Variants in KLF7 observed in about 807,000 individuals in gnomAD.
The protein encoded by KLF7 is Krueppel-like factor 7.
Under a neutral mutation model 27.3 loss-of-function variants are expected in KLF7, and 2 were observed. That is an observed-to-expected ratio of 0.07 (90% CI 0.03 to 0.23). KLF7 has a LOEUF of 0.23. Among genes scored for constraint, KLF7 ranks in the 10% least tolerant of loss-of-function variants. The pLI is 1.00. For missense variants in KLF7, 221 were observed against 394.1 expected (o/e 0.56, Z 3.72); for synonymous variants, 165 against 162.4 (o/e 1.02, Z -0.12).
At chr2:207,115,341 A>C (rs2077150524) in intron 2 of KLF7, among the ~76,000 whole-genome samples, 2 of 152,184 alleles carry the variant, frequency 1.3e-5, no homozygotes, top group South Asian at 4.1e-4. Flanking sequence ...CCATAAACAT[A>C]CATGTTGAAG....
At chr2:207,167,076 G>A, upstream of KLF7, 1 of 1,344,514 alleles carries the variant, frequency 7.4e-7, no homozygotes, top group South Asian at 1.7e-5. Context: ...GGGAGCCTAG[G>A]TAGACGTGGG....
At chr2:207,161,494 G>T (rs558398011) in intron 1 of KLF7, among the ~76,000 whole-genome samples, 1 of 152,194 alleles carries the variant, frequency 6.6e-6, no homozygotes, top group Non-Finnish European at 1.5e-5. Context: ...GCAAACCTAC[G>T]GATGGACAGA....
chr2:207,158,010 A>AC (rs2106130141), intron 1 of KLF7, among the ~76,000 whole-genome samples: 1 of 143,612 alleles, frequency 7.0e-6, no homozygotes, highest in East Asian at 2.0e-4. Flanking sequence ...CTTGTTGCTT[A>AC]TTTCTGGTTA....
intron 1 of KLF7, among the ~76,000 whole-genome samples, chr2:207,129,262 C>T (rs148946254): frequency 1.9e-3 from 288 of 152,232 alleles, no homozygotes; most frequent in African/African-American, 6.4e-3. Context: ...TCGGAGTCAG[C>T]GAATGTCAGT....
chr2:207,164,064 G>A (rs1340753532), intron 1 of KLF7, among the ~76,000 whole-genome samples: 2 of 152,240 alleles, frequency 1.3e-5, no homozygotes, highest in African/African-American at 4.8e-5. Context: ...CCAATACCTG[G>A]AGGAAAACTC....
intron 2 of KLF7, among the ~76,000 whole-genome samples, chr2:207,107,531 T>C (rs1437701801): frequency 6.6e-6 from 1 of 152,204 alleles, no homozygotes; most frequent in Non-Finnish European, 1.5e-5. Flanking sequence ...TTATATAGCA[T>C]AGGCCCAGTG....
intron 1 of KLF7, among the ~76,000 whole-genome samples, chr2:207,140,225 C>T (rs951089537): frequency 4.6e-5 from 7 of 152,086 alleles, no homozygotes; most frequent in Non-Finnish European, 8.8e-5. Flanking sequence ...CTTATAAACA[C>T]AATTTATTGA....
chr2:207,091,844 C>G (rs377761984), intron 2 of KLF7, among the ~76,000 whole-genome samples: 2 of 152,192 alleles, frequency 1.3e-5, no homozygotes, highest in African/African-American at 4.8e-5. Context: ...TAAACACCAA[C>G]AGCCACAGCT....
chr2:207,144,950 T>C (rs1437419053), intron 1 of KLF7, among the ~76,000 whole-genome samples: 1 of 152,180 alleles, frequency 6.6e-6, no homozygotes, highest in Admixed American at 6.5e-5. Context: ...AAGGTTTTTT[T>C]CCCCTTTAGC....
intron 2 of KLF7, among the ~76,000 whole-genome samples, chr2:207,093,109 A>C (rs1460318306): frequency 6.6e-6 from 1 of 152,210 alleles, no homozygotes; most frequent in African/African-American, 2.4e-5. Context: ...AGGGGGCCTT[A>C]GTCTATATAT....
chr2:207,108,930 C>G (rs771090964), intron 2 of KLF7, among the ~76,000 whole-genome samples: 15 of 152,098 alleles, frequency 9.9e-5, no homozygotes, highest in Non-Finnish European at 1.9e-4. Flanking sequence ...CTGAGAGGAG[C>G]ATACAACTCA....
At chr2:207,117,828 T>C (rs2077230625) in intron 2 of KLF7, among the ~76,000 whole-genome samples, 1 of 152,208 alleles carries the variant, frequency 6.6e-6, no homozygotes, top group Non-Finnish European at 1.5e-5. Flanking sequence ...CGACTTGTTA[T>C]CTCCAAATCT....
chr2:207,111,853 C>T (rs2105940628), intron 2 of KLF7, among the ~76,000 whole-genome samples: 1 of 152,272 alleles, frequency 6.6e-6, no homozygotes, highest in South Asian at 2.1e-4. Flanking sequence ...GACCCCTGCC[C>T]TGGGTTTCCA....
Position 207,165,340 on chromosome 2 carries a change from A to C in KLF7, c.102+127T>G, listed in dbSNP as rs943111954. Reference sequence around the variant, plus strand: ...TTTCAGAAAACATTTTCAACAACAGACAGCCAAAAAGGAAGAAAAAAAAGT... The same window carrying C: ...TTTCAGAAAACATTTTCAACAACAGCCAGCCAAAAAGGAAGAAAAAAAAGT... On this transcript the variant is annotated intron_variant, in intron 1 of 3. Transcript: ENST00000309446. 4.5e-6 allele frequency: 6 copies of C among 1,333,062 alleles called. No homozygotes were observed. The East Asian group carries it at 7.2e-5, about 16-fold the overall frequency. The allele number at this position is 1,333,062 out of a possible 1,614,324, so 82.6% of individuals were successfully genotyped here.
chr2:207,138,390 T>C (rs2077847834), intron 1 of KLF7, among the ~76,000 whole-genome samples: 1 of 152,240 alleles, frequency 6.6e-6, no homozygotes, highest in African/African-American at 2.4e-5. Flanking sequence ...AGGTGGTCCT[T>C]GATACAAATC....
At chr2:207,169,244 A>G (rs962171399), upstream of KLF7, among the ~76,000 whole-genome samples, 6 of 152,224 alleles carry the variant, frequency 3.9e-5, no homozygotes, top group East Asian at 1.2e-3. Flanking sequence ...AACACCCTAG[A>G]GTAAATAATA....
upstream of KLF7, chr2:207,167,214 TG>T: frequency 7.7e-7 from 1 of 1,301,450 alleles, no homozygotes; most frequent in South Asian, 1.8e-5. Flanking sequence ...TTTCTGGAGT[TG>T]GGATGTAGAC....
At chr2:207,144,150 T>C (rs1400135345) in intron 1 of KLF7, among the ~76,000 whole-genome samples, 2 of 116,222 alleles carry the variant, frequency 1.7e-5, no homozygotes, top group East Asian at 2.5e-4. Flanking sequence ...GGTCTAGGAG[T>C]CGTCACAGCG....
chr2:207,092,161 G>T (rs569501757), intron 2 of KLF7, among the ~76,000 whole-genome samples: 1 of 152,110 alleles, frequency 6.6e-6, no homozygotes, highest in African/African-American at 2.4e-5. Flanking sequence ...ACACTATGCT[G>T]TATCGCACTT....
Sources: allele counts gnomAD v4.1 joint callset (sites outside exome capture counted in the v4.1 genomes callset), GRCh38; gene constraint gnomAD v4.1.1; transcripts MANE v1.5; gene names NCBI Gene and HGNC (gene_info 2026-07-23, HGNC 2026-07-21).